The following AOPEP variants were observed in gnomAD, a reference collection of about 807,000 sequenced individuals.
AOPEP encodes aminopeptidase O.
Under a neutral mutation model 98.1 loss-of-function variants are expected in AOPEP, and 77 were observed. The observed-to-expected ratio is 0.78, with a 90% CI of 0.65 to 0.95. AOPEP has a LOEUF of 0.95. AOPEP is among the 40% of genes least tolerant of loss of function. The probability of loss-of-function intolerance (pLI) is 0.00; values close to 1 mark genes in which losing one functional copy is unlikely to be tolerated. For missense variants in AOPEP, 1,024 were observed against 1,024.7 expected (o/e 1.00, Z 0.01); for synonymous variants, 346 against 365.3 (o/e 0.95, Z 0.60).
At position 94,813,676 on chromosome 9, in the gene AOPEP, G is replaced by T. The variant is rs147862129; in HGVS notation, c.1364+12674G>T. Among the ~76,000 whole-genome samples, 92 of 152,344 alleles carry T rather than the reference G, an allele frequency of 6.0e-4. No homozygotes were observed. In the East Asian group the frequency reaches 0.013, roughly 21 times the overall value. On this transcript the variant is annotated intron_variant, in intron 5 of 16. Coordinates refer to ENST00000375315, the MANE Select transcript of AOPEP (RefSeq NM_001193329.3). ...AGGGTAATGAGTCCCAGCAGGTGCT[G>T]ACAGTGGATCAGGGCCTGGGCTTCT...
At chr9:94,830,287 G>T (rs4744379) in intron 5 of AOPEP, among the ~76,000 whole-genome samples, 1 of 152,098 alleles carries the variant, frequency 6.6e-6, no homozygotes. Flanking sequence ...GTGAGAACAT[G>T]TGGTGTTTGG....
chr9:94,931,995 A>G, intron 7 of AOPEP: 1 of 1,200,072 alleles, frequency 8.3e-7, no homozygotes, highest in Non-Finnish European at 1.1e-6. Context: ...ACCAAGGCTC[A>G]GAAAGACTGA....
At chr9:95,105,163 G>A in the AOPEP span, among the ~76,000 whole-genome samples, 1 of 152,212 alleles carries the variant, frequency 6.6e-6, no homozygotes, top group African/African-American at 2.4e-5. Flanking sequence ...TGAGACACCA[G>A]CACCTGGGAG....
intron 11 of AOPEP, among the ~76,000 whole-genome samples, chr9:94,991,250 G>C (rs1197312468): frequency 6.6e-6 from 1 of 152,176 alleles, no homozygotes; most frequent in South Asian, 2.1e-4. Flanking sequence ...CTTCTCTTTT[G>C]TGGAAGCCAT....
At chr9:94,931,894 T>G in intron 7 of AOPEP, 1 of 1,224,644 alleles carries the variant, frequency 8.2e-7, no homozygotes, top group Non-Finnish European at 1.1e-6. Flanking sequence ...CTTCCTCACC[T>G]CTCTTGCTGG....
chr9:94,891,315 T>C (rs961015926), intron 5 of AOPEP, among the ~76,000 whole-genome samples: 6 of 152,230 alleles, frequency 3.9e-5, no homozygotes, highest in African/African-American at 1.4e-4. Flanking sequence ...ACCTATGTTG[T>C]TACGCTTGAA....
At chr9:95,048,931 T>G (rs970044693) in intron 13 of AOPEP, 8 of 152,126 alleles carry the variant, frequency 5.3e-5, no homozygotes, top group Admixed American at 3.9e-4. Flanking sequence ...GGGCTCAGGC[T>G]TGGGATTTCT....
At chr9:94,870,970 A>G (rs1588637177) in intron 5 of AOPEP, among the ~76,000 whole-genome samples, 2 of 152,164 alleles carry the variant, frequency 1.3e-5, no homozygotes, top group East Asian at 3.9e-4. Context: ...CTCCCTCAGC[A>G]GTAAAGTAGT....
chr9:95,111,633 A>G, the AOPEP span: 20 of 1,614,038 alleles, frequency 1.2e-5, no homozygotes, highest in Non-Finnish European at 1.6e-5. Context: ...GGACCTCCGC[A>G]GGACCTGGAA....
chr9:95,134,078 C>G, the AOPEP span, among the ~76,000 whole-genome samples: 1 of 152,172 alleles, frequency 6.6e-6, no homozygotes, highest in Admixed American at 6.5e-5. Flanking sequence ...CAGGTGGGAT[C>G]CGTGTGTGCA....
At chr9:94,786,892 C>G (rs1379200179) in intron 3 of AOPEP, among the ~76,000 whole-genome samples, 1 of 152,160 alleles carries the variant, frequency 6.6e-6, no homozygotes, top group Non-Finnish European at 1.5e-5. Context: ...ATTTGACTGT[C>G]ACTTGGTAGC....
intron 1 of AOPEP, among the ~76,000 whole-genome samples, chr9:94,752,535 G>A (rs1836060746): frequency 1.3e-5 from 2 of 152,072 alleles, no homozygotes; most frequent in African/African-American, 4.8e-5. Flanking sequence ...ATCAACAAAA[G>A]TTCTACACTT....
chr9:94,906,688 T>A (rs1404298227), intron 5 of AOPEP, among the ~76,000 whole-genome samples: 1 of 152,104 alleles, frequency 6.6e-6, no homozygotes, highest in Non-Finnish European at 1.5e-5. Context: ...AAAAATATTT[T>A]TGTTTATTGA....
At chr9:94,906,198 C>A (rs2051112033) in intron 5 of AOPEP, among the ~76,000 whole-genome samples, 1 of 151,550 alleles carries the variant, frequency 6.6e-6, no homozygotes, top group Non-Finnish European at 1.5e-5. Context: ...GTAGCTCACA[C>A]CTGTAATTCC....
rs34143867 is a variant in AOPEP at position 95,051,089 on chromosome 9, C to CTTTTTTTTTTT, written c.2116-9597_2116-9587dup. On this transcript the variant is annotated intron_variant, in intron 13 of 16. Transcript: ENST00000375315. ...ATCTCTAAAATGTTTTTGTGGCTTACTTTTTTTTTTTTTTTTTTGAGACGG... is the reference window on the plus strand; with the variant it reads ...ATCTCTAAAATGTTTTTGTGGCTTACTTTTTTTTTTTTTTTTTTTTTTTTTTTTTGAGACGG... Among the ~76,000 whole-genome samples the CTTTTTTTTTTT allele has an allele frequency of 1.5e-5, 2 of 129,946 alleles. 1 individual carries two copies. Among genetic ancestry groups the CTTTTTTTTTTT allele is most frequent in the Non-Finnish European group, 3.2e-5 (2 of 63,390 alleles). The allele number at this position is 129,946 out of a possible 152,430, so 85.2% of individuals were successfully genotyped here.
intron 14 of AOPEP, among the ~76,000 whole-genome samples, chr9:95,071,389 TG>T (rs2068497232): frequency 1.3e-5 from 2 of 151,688 alleles, no homozygotes; most frequent in Non-Finnish European, 2.9e-5. Flanking sequence ...TTGTTGCTGT[TG>T]GAAACATCAA....
intron 5 of AOPEP, among the ~76,000 whole-genome samples, chr9:94,830,125 C>G (rs1855620330): frequency 6.6e-6 from 1 of 152,126 alleles, no homozygotes; most frequent in South Asian, 2.1e-4. Context: ...GTTTACTGCA[C>G]AGATCAACCC....
rs895257102 is a variant in AOPEP, at chr9:94,877,367, G to C, written c.1365-46619G>C. On this transcript the variant is annotated intron_variant, in intron 5 of 16. Coordinates refer to ENST00000375315, the MANE Select transcript of AOPEP (RefSeq NM_001193329.3). The stretch of plus-strand genomic sequence containing the variant: ...TTTTTTGGGTTCGTTTATAGCATGC[G>C]GTAAGGGTGTATAGCCACATTTAGT... Among the ~76,000 whole-genome samples, 5 of 151,904 alleles carry C rather than the reference G, an allele frequency of 3.3e-5. No homozygotes were observed. The East Asian group carries it at 9.6e-4, about 29-fold the overall frequency.
chr9:94,932,471 T>G, intron 7 of AOPEP: 1 of 179,044 alleles, frequency 5.6e-6, no homozygotes, highest in Non-Finnish European at 1.1e-5. Context: ...TTTTTTTCTT[T>G]TCTTTCTTTC....
Sources: gnomAD v4.1 joint callset for allele counts (sites outside exome capture counted in the v4.1 genomes callset) on GRCh38, gnomAD v4.1.1 for gene constraint, MANE v1.5 for transcripts, NCBI Gene and HGNC (gene_info 2026-07-23, HGNC 2026-07-21) for gene names.